The following CACNA2D3 variants were observed in gnomAD, a reference collection of about 807,000 sequenced individuals.
The protein encoded by CACNA2D3 is voltage-dependent calcium channel subunit alpha-2/delta-3.
Under a neutral mutation model 160.6 loss-of-function variants are expected in CACNA2D3, and 60 were observed. The observed-to-expected ratio is 0.37, with a 90% confidence interval of 0.30 to 0.46. The LOEUF is 0.46. Among genes scored for constraint, CACNA2D3 ranks in the 20% least tolerant of loss-of-function variants. The probability of loss-of-function intolerance (pLI) is 1.00; values close to 1 mark genes in which losing one functional copy is unlikely to be tolerated. For missense variants in CACNA2D3, 1,205 were observed against 1,365.0 expected (o/e 0.88, Z 1.85); for synonymous variants, 558 against 492.9 (o/e 1.13, Z -1.75).
At chr3:54,965,909 G>A (rs1487418330) in intron 27 of CACNA2D3, among the ~76,000 whole-genome samples, 1 of 152,130 alleles carries the variant, frequency 6.6e-6, no homozygotes, top group Non-Finnish European at 1.5e-5. Context: ...ACCAGGACGA[G>A]GATGCAGCCT....
chr3:54,602,319 G>A (rs1268736084), intron 9 of CACNA2D3, among the ~76,000 whole-genome samples: 2 of 151,956 alleles, frequency 1.3e-5, no homozygotes, highest in Admixed American at 6.6e-5. Context: ...CCAACATGGC[G>A]AAACTCCATC....
intron 31 of CACNA2D3, among the ~76,000 whole-genome samples, chr3:54,991,503 G>A (rs1702743514): frequency 1.3e-5 from 2 of 152,266 alleles, no homozygotes; most frequent in South Asian, 2.1e-4. Context: ...GATTACAGGT[G>A]TGAGTCATCA....
intron 24 of CACNA2D3, among the ~76,000 whole-genome samples, chr3:54,889,565 G>A (rs146297858): frequency 3.1e-3 from 475 of 152,258 alleles, no homozygotes; most frequent in Non-Finnish European, 5.3e-3. Flanking sequence ...TTGCTAACAC[G>A]AGAGACACTG....
At chr3:55,042,548 C>T (rs552655507) in intron 35 of CACNA2D3, among the ~76,000 whole-genome samples, 143 of 152,192 alleles carry the variant, frequency 9.4e-4, no homozygotes, top group African/African-American at 3.3e-3. Context: ...TATTTAAGTT[C>T]TCCTCTTTGA....
At chr3:55,063,399 A>G (rs1478127117) in intron 35 of CACNA2D3, among the ~76,000 whole-genome samples, 1 of 152,214 alleles carries the variant, frequency 6.6e-6, no homozygotes, top group East Asian at 1.9e-4. Context: ...AGAAAAAAAA[A>G]AAAAGATGCC....
intron 2 of CACNA2D3, among the ~76,000 whole-genome samples, chr3:54,173,547 C>T (rs35724652): frequency 6.6e-6 from 1 of 152,164 alleles, no homozygotes; most frequent in Non-Finnish European, 1.5e-5. Context: ...GAATTTTTTG[C>T]ACCAAAGGCA....
rs952964870 is a variant in CACNA2D3 at position 55,007,174 on chromosome 3, A to C, written c.2767-616A>C. On this transcript the variant is annotated intron_variant, in intron 32 of 37. Transcript: ENST00000474759. ...TTTTAATTAAAATATTCTGAAATAA[A>C]GATTAGGCTTTCAATGCCTTCTTTT... Among the ~76,000 whole-genome samples, 7 of 152,372 alleles carry C rather than the reference A, an allele frequency of 4.6e-5. No homozygotes were observed. In the South Asian group the frequency reaches 1.2e-3, roughly 27 times the overall value.
Position 54,838,604 on chromosome 3 carries a change from G to T in CACNA2D3, c.1507G>T (p.Asp503Tyr), listed in dbSNP as rs773115985. The T allele has an allele frequency of 6.2e-7, 1 of 1,613,594 alleles. No homozygotes were observed. The highest frequency in any genetic ancestry group is 8.5e-7 in the Non-Finnish European group (1 of 1,179,664). Reference protein sequence around the residue: ...KGILLGVVGTDVPVKELLKTI... With the variant: ...KGILLGVVGTYVPVKELLKTI... ...CATTCTTCTGGGAGTGGTTGGCACA[G>T]ATGTCCCAGTGAAAGAACTTCTGAA... Residue 503 changes from aspartate (D) to tyrosine (Y), a missense_variant, in exon 16 of 38, where the codon GAT (aspartate) becomes TAT (tyrosine). This residue lies in a region of CACNA2D3 where 911 missense variants were observed against 1,002.2 expected (regional missense o/e 0.91). Coordinates refer to ENST00000474759, the MANE Select transcript of CACNA2D3 (RefSeq NM_018398.3).
chr3:54,400,925 A>G (rs1575434607), intron 4 of CACNA2D3, among the ~76,000 whole-genome samples: 1 of 152,196 alleles, frequency 6.6e-6, no homozygotes, highest in African/African-American at 2.4e-5. Context: ...AATTTTCTAA[A>G]AAGGAATTCA....
chr3:54,141,153 T>G (rs1381671193), intron 2 of CACNA2D3, among the ~76,000 whole-genome samples: 1 of 150,832 alleles, frequency 6.6e-6, no homozygotes, highest in Non-Finnish European at 1.5e-5. Context: ...CATGGTTGTT[T>G]AGATGATCAA....
chr3:54,283,905 A>G (rs906116372), intron 2 of CACNA2D3, among the ~76,000 whole-genome samples: 1 of 152,146 alleles, frequency 6.6e-6, no homozygotes, highest in Non-Finnish European at 1.5e-5. Flanking sequence ...TCTACTAAAA[A>G]TACAAAAATT....
chr3:54,779,255 C>A (rs180838006), intron 13 of CACNA2D3, among the ~76,000 whole-genome samples: 1 of 152,144 alleles, frequency 6.6e-6, no homozygotes, highest in Non-Finnish European at 1.5e-5. Flanking sequence ...TGTGCCACTA[C>A]GCCCAGCTAA....
At chr3:54,753,860 ATTAT>A (rs1179209345) in intron 12 of CACNA2D3, among the ~76,000 whole-genome samples, 1 of 152,170 alleles carries the variant, frequency 6.6e-6, no homozygotes, top group Non-Finnish European at 1.5e-5. Context: ...TTACATCTTT[ATTAT>A]TTATTTGTGA....
intron 34 of CACNA2D3, among the ~76,000 whole-genome samples, chr3:55,017,416 T>C (rs977960700): frequency 1.3e-5 from 2 of 152,202 alleles, no homozygotes; most frequent in African/African-American, 4.8e-5. Flanking sequence ...AATGCTACCG[T>C]TATCTTTGTT....
intron 3 of CACNA2D3, among the ~76,000 whole-genome samples, chr3:54,386,428 A>G (rs1699187239): frequency 6.6e-6 from 1 of 152,232 alleles, no homozygotes; most frequent in Admixed American, 6.5e-5. Flanking sequence ...ATTGGGCCTC[A>G]AGGACCAGTG....
At chr3:54,623,030 A>G (rs1699024783) in intron 9 of CACNA2D3, among the ~76,000 whole-genome samples, 1 of 152,162 alleles carries the variant, frequency 6.6e-6, no homozygotes, top group African/African-American at 2.4e-5. Context: ...TTCACGAGGT[A>G]TGGTCTCCGC....
intron 11 of CACNA2D3, among the ~76,000 whole-genome samples, chr3:54,728,731 T>C (rs529781301): frequency 1.3e-5 from 2 of 152,328 alleles, no homozygotes; most frequent in African/African-American, 4.8e-5. Context: ...TTACAACTTG[T>C]TTATTTATAA....
chr3:54,681,564 A>G (rs1700351858), intron 11 of CACNA2D3, among the ~76,000 whole-genome samples: 1 of 151,772 alleles, frequency 6.6e-6, no homozygotes, highest in African/African-American at 2.4e-5. Flanking sequence ...CTCAAAAAAA[A>G]AAAAAAAAGA....
At chr3:54,459,561 A>G (rs556638640) in intron 4 of CACNA2D3, among the ~76,000 whole-genome samples, 1 of 152,222 alleles carries the variant, frequency 6.6e-6, no homozygotes, top group African/African-American at 2.4e-5. Flanking sequence ...TTGGCTACAT[A>G]AATGTCTTCT....
Sources: allele counts gnomAD v4.1 joint callset (sites outside exome capture counted in the v4.1 genomes callset), GRCh38; gene constraint gnomAD v4.1.1; regional missense constraint gnomAD v4.1.1; transcripts MANE v1.5; gene names NCBI Gene and HGNC (gene_info 2026-07-23, HGNC 2026-07-21).